SLC27A2: variants seen among roughly 807,000 people sequenced by gnomAD.
The protein encoded by SLC27A2 is long-chain fatty acid transport protein 2.
SLC27A2 carries 54 observed loss-of-function variants against 60.0 expected under a neutral mutation model. The ratio of observed to expected loss-of-function variants is 0.90; its 90% CI spans 0.72 to 1.13. The LOEUF (loss-of-function observed/expected upper bound fraction) is 1.13, where lower values mean the gene tolerates loss of function less well. Ranked by LOEUF, SLC27A2 falls within the 50% of genes most tolerant of loss-of-function variation. The pLI is 0.00. For synonymous variants in SLC27A2, 297 were observed against 297.6 expected, an observed-to-expected ratio of 1.00 and a Z score of 0.02; for missense variants, 739 against 777.6, an observed-to-expected ratio of 0.95 and a Z score of 0.59.
At chr15:50,210,373 G>C (rs7175639) in intron 4 of SLC27A2, among the ~76,000 whole-genome samples, 25,102 of 152,168 alleles carry the variant, frequency 0.16, 2,356 homozygotes, top group South Asian at 0.25. Context: ...ACACATACTG[G>C]AGAAGCTGAA....
intron 4 of SLC27A2, among the ~76,000 whole-genome samples, chr15:50,217,646 C>T (rs2045209153): frequency 6.6e-6 from 1 of 152,128 alleles, no homozygotes; most frequent in Non-Finnish European, 1.5e-5. Flanking sequence ...CACAGAACTG[C>T]CTAATCATCT....
chr15:50,188,974 G>GATAA (rs1274781965), intron 1 of SLC27A2, among the ~76,000 whole-genome samples: 6 of 121,708 alleles, frequency 4.9e-5, no homozygotes, highest in African/African-American at 2.1e-4. Flanking sequence ...TAGATAGATA[G>GATAA]ATAGATAAAT....
intron 8 of SLC27A2, among the ~76,000 whole-genome samples, chr15:50,232,434 T>C (rs2045322190): frequency 6.6e-6 from 1 of 152,226 alleles, no homozygotes. Context: ...TTAGTTTTAA[T>C]AGCCACAAAT....
At chr15:50,203,430 C>G (rs1164117087) in intron 3 of SLC27A2, among the ~76,000 whole-genome samples, 1 of 152,108 alleles carries the variant, frequency 6.6e-6, no homozygotes, top group African/African-American at 2.4e-5. Flanking sequence ...TCAGACTTTA[C>G]TATTCAAATT....
At chr15:50,191,595 C>G (rs932531512) in intron 1 of SLC27A2, among the ~76,000 whole-genome samples, 12 of 152,208 alleles carry the variant, frequency 7.9e-5, no homozygotes, top group Admixed American at 2.0e-4. Flanking sequence ...GCTTCCCTTG[C>G]AGCCTCACAG....
rs769488880 is a variant in SLC27A2, at chr15:50,227,198, T to C, written c.1457+20T>C. On this transcript the variant is annotated intron_variant, in intron 7 of 9. Coordinates refer to ENST00000267842, the MANE Select transcript of SLC27A2 (RefSeq NM_003645.4). ...ATTCCGGTTGGTTTTTCTGAATCAT[T>C]GAGCCAAAAACAAACACACGCACAG... 1.9e-6 allele frequency: 3 copies of C among 1,602,194 alleles called. No individual in the cohort carries two copies. Among genetic ancestry groups the C allele is most frequent in the Non-Finnish European group, 2.6e-6 (3 of 1,170,062 alleles).
rs2044859879 is a variant in SLC27A2 at position 50,182,302 on chromosome 15, G to GCCCGGCGTCCCGCCGCGTGCGC, written c.-118_-97dup. On this transcript the variant is annotated 5_prime_UTR_variant, in exon 1 of 10. Transcript: ENST00000267842. ...CTGTCTTCCCCTTCATCTCACGCGA[G>GCCCGGCGTCCCGCCGCGTGCGC]CCCGGCGTCCCGCCGCGTGCGCCCC... The GCCCGGCGTCCCGCCGCGTGCGC allele has an allele frequency of 7.6e-7, 1 of 1,310,334 alleles. No homozygotes were observed. Among genetic ancestry groups the GCCCGGCGTCCCGCCGCGTGCGC allele is most frequent in the South Asian group, 2.4e-5 (1 of 42,506 alleles). 81.2% of individuals were successfully genotyped at this position (1,310,334 alleles called of 1,614,324 possible). A position where few individuals can be genotyped will look rare whatever the true frequency, so the allele number is the denominator to read the frequency against.
chr15:50,195,173 T>C (rs1261289790), intron 1 of SLC27A2, among the ~76,000 whole-genome samples: 1 of 151,760 alleles, frequency 6.6e-6, no homozygotes, highest in Non-Finnish European at 1.5e-5. Flanking sequence ...TTTTAAAAAA[T>C]TGACAGTGGT....
chr15:50,213,999 C>A (rs766841036), intron 4 of SLC27A2, among the ~76,000 whole-genome samples: 1,747 of 108,452 alleles, frequency 0.016, 21 homozygotes, highest in East Asian at 0.11. Context: ...AACAAACAAA[C>A]AAAAAAAAAG....
intron 4 of SLC27A2, 29 bp downstream of exon 4, chr15:50,205,392 T>G (rs2045104196): frequency 6.3e-7 from 1 of 1,585,324 alleles, no homozygotes; most frequent in South Asian, 1.2e-5. Context: ...TACTATCATT[T>G]TGAAATGGGT....
chr15:50,183,811 G>A (rs1166703988), intron 1 of SLC27A2, among the ~76,000 whole-genome samples: 4 of 151,964 alleles, frequency 2.6e-5, no homozygotes, highest in Non-Finnish European at 5.9e-5. Flanking sequence ...CGAGGGAGCC[G>A]AGGAGCCTCA....
In SLC27A2 at chr15:50,236,154, G is replaced by T; in HGVS notation, c.*58G>T. ...AAAGAAACTGAATGGACAGCCACTT[G>T]ATATAATCCAACTTTAATTTGATTG... On this transcript the variant is annotated 3_prime_UTR_variant, in exon 10 of 10. Transcript: ENST00000267842. 1 of 1,382,444 alleles carries T rather than the reference G, an allele frequency of 7.2e-7. No individual in the cohort carries two copies. The allele number at this position is 1,382,444 out of a possible 1,614,324, so 85.6% of individuals were successfully genotyped here.
At chr15:50,230,971 C>A (rs754948766) in intron 8 of SLC27A2, among the ~76,000 whole-genome samples, 10 of 152,124 alleles carry the variant, frequency 6.6e-5, no homozygotes, top group East Asian at 1.9e-4. Context: ...CCCGAACTAC[C>A]AAGTCAAAAT....
At chr15:50,184,594 G>A (rs2044903960) in intron 1 of SLC27A2, among the ~76,000 whole-genome samples, 1 of 152,066 alleles carries the variant, frequency 6.6e-6, no homozygotes, top group Non-Finnish European at 1.5e-5. Flanking sequence ...CCAGCACTTT[G>A]GGAGGCCGAG....
At position 50,202,486 on chromosome 15, in the gene SLC27A2, G is replaced by C; in HGVS notation, c.689-1G>C. ...ATGCCTTCTCTTGTATATTTACAAA[G>C]GTCTTCCAAAAGCAGCCATGATCAC... On this transcript the variant is annotated splice_acceptor_variant, in intron 2 of 9. Coordinates refer to ENST00000267842, the MANE Select transcript of SLC27A2 (RefSeq NM_003645.4). LOFTEE classifies it high-confidence loss of function. The C allele has an allele frequency of 6.2e-7, 1 of 1,614,062 alleles. No individual in the cohort carries two copies. The highest frequency in any genetic ancestry group is 8.5e-7 in the Non-Finnish European group (1 of 1,179,966).
Position 50,202,486 on chromosome 15 carries a change from G to A in SLC27A2, c.689-1G>A. 3 of 1,614,062 alleles carry A rather than the reference G, an allele frequency of 1.9e-6. No homozygotes were observed. The highest frequency in any genetic ancestry group is 2.5e-6 in the Non-Finnish European group (3 of 1,179,966). ...ATGCCTTCTCTTGTATATTTACAAA[G>A]GTCTTCCAAAAGCAGCCATGATCAC... On this transcript the variant is annotated splice_acceptor_variant, in intron 2 of 9. Coordinates refer to ENST00000267842, the MANE Select transcript of SLC27A2 (RefSeq NM_003645.4). LOFTEE classifies it high-confidence loss of function.
intron 6 of SLC27A2, among the ~76,000 whole-genome samples, chr15:50,226,492 G>A (rs1367914375): frequency 6.6e-6 from 1 of 152,204 alleles, no homozygotes; most frequent in Non-Finnish European, 1.5e-5. Flanking sequence ...AACACTTTGG[G>A]AGGTTGAGGA....
intron 4 of SLC27A2, among the ~76,000 whole-genome samples, chr15:50,221,222 ATTC>A (rs2045239903): frequency 6.6e-6 from 1 of 151,794 alleles, no homozygotes. Flanking sequence ...GAGAAAATAG[ATTC>A]CTACTCAGTC....
At position 50,182,849 on chromosome 15, in the gene SLC27A2, A is replaced by G. The variant is rs1309848443; in HGVS notation, c.422A>G (p.Lys141Arg). 2 of 1,613,212 alleles carry G rather than the reference A, an allele frequency of 1.2e-6. No individual in the cohort carries two copies. The highest frequency in any genetic ancestry group is 1.7e-5 in the Admixed American group (1 of 60,036). ...TGCCTCAATTACAACATCCGCGCGA[A>G]GTCCCTGCTGCACTGCTTCCAGTGC... ...MACLNYNIRAKSLLHCFQCCG... is the reference protein window; with the variant it reads ...MACLNYNIRARSLLHCFQCCG... Residue 141 changes from lysine (K) to arginine (R), a missense_variant, in exon 1 of 10, where the codon AAG (lysine) becomes AGG (arginine). Coordinates refer to ENST00000267842, the MANE Select transcript of SLC27A2 (RefSeq NM_003645.4).
Sources: gnomAD v4.1 joint callset for allele counts (sites outside exome capture counted in the v4.1 genomes callset) on GRCh38, gnomAD v4.1.1 for gene constraint, MANE v1.5 for transcripts, NCBI Gene and HGNC (gene_info 2026-07-23, HGNC 2026-07-21) for gene names.